Variants in SNX29 observed in about 807,000 individuals in gnomAD.
SNX29 encodes sorting nexin 29, also known as sorting nexin-29.
Under a neutral mutation model 102.1 loss-of-function variants are expected in SNX29, and 78 were observed. The observed-to-expected ratio is 0.76, with a 90% confidence interval of 0.64 to 0.92. The LOEUF (loss-of-function observed/expected upper bound fraction) is 0.92, where lower values mean the gene tolerates loss of function less well. SNX29 is among the 40% of genes least tolerant of loss of function. SNX29 has a pLI of 0.00. For missense variants in SNX29, 1,280 were observed against 1,061.7 expected, an observed-to-expected ratio of 1.21 and a Z score of -2.86; for synonymous variants, 580 against 414.5, an observed-to-expected ratio of 1.40 and a Z score of -4.85.
chr16:12,334,743 C>T (rs1280141516), intron 15 of SNX29, among the ~76,000 whole-genome samples: 1 of 152,120 alleles, frequency 6.6e-6, no homozygotes, highest in African/African-American at 2.4e-5. Flanking sequence ...TGGGTGTGTT[C>T]ACTTGGGGCT....
At chr16:12,520,289 C>T (rs1179997637) in intron 19 of SNX29, among the ~76,000 whole-genome samples, 2 of 152,188 alleles carry the variant, frequency 1.3e-5, no homozygotes, top group Non-Finnish European at 2.9e-5. Flanking sequence ...TAAAGCCAAC[C>T]TGGAAGTAGA....
At chr16:12,250,635 T>A (rs1001462888) in intron 14 of SNX29, among the ~76,000 whole-genome samples, 2 of 152,212 alleles carry the variant, frequency 1.3e-5, no homozygotes, top group Non-Finnish European at 2.9e-5. Context: ...TTTGTTTCCA[T>A]TCTTTAAGCA....
rs534284969 is a variant in SNX29, at chr16:12,258,384, C to A, written c.1679-19549C>A. Among the ~76,000 whole-genome samples the A allele has an allele frequency of 1.6e-4, 24 of 152,240 alleles. No individual in the cohort carries two copies. The South Asian group carries it at 5.0e-3, about 32-fold the overall frequency. ...TGCCAGAACATTCCCCCCGTGATAG[C>A]CCCATGATGGAGCTTCGAGTCAGTC... is the stretch of plus-strand genomic sequence containing the variant. On this transcript the variant is annotated intron_variant, in intron 14 of 20. Transcript: ENST00000566228.
At chr16:12,123,629 C>T (rs996581968) in intron 11 of SNX29, among the ~76,000 whole-genome samples, 3 of 152,140 alleles carry the variant, frequency 2.0e-5, no homozygotes, top group Non-Finnish European at 2.9e-5. Flanking sequence ...CGTTTCTCTC[C>T]GTCTGCAGTG....
chr16:12,554,443 C>A (rs1009195871), intron 20 of SNX29, among the ~76,000 whole-genome samples: 1 of 152,228 alleles, frequency 6.6e-6, no homozygotes, highest in African/African-American at 2.4e-5. Context: ...TTTCCGCACA[C>A]CTGCCATGCC....
At chr16:12,077,238 C>T (rs1318168125) in intron 10 of SNX29, among the ~76,000 whole-genome samples, 2 of 151,662 alleles carry the variant, frequency 1.3e-5, no homozygotes, top group African/African-American at 4.9e-5. Context: ...GAGATTGCAC[C>T]ACTGCACTCC....
chr16:12,260,572 G>A (rs941831601), intron 14 of SNX29, among the ~76,000 whole-genome samples: 4 of 152,126 alleles, frequency 2.6e-5, no homozygotes, highest in Non-Finnish European at 4.4e-5. Context: ...GTGGGGTGGG[G>A]GCATCCATGT....
chr16:12,038,787 G>A (rs1264174527), intron 4 of SNX29: 1 of 152,242 alleles, frequency 6.6e-6, no homozygotes, highest in Non-Finnish European at 1.5e-5. Context: ...ACAGGCTGCA[G>A]GTGAGAGTCA....
chr16:12,041,936 C>T (rs887039313), intron 4 of SNX29, among the ~76,000 whole-genome samples: 1 of 152,276 alleles, frequency 6.6e-6, no homozygotes, highest in East Asian at 1.9e-4. Context: ...AGACTGAAAA[C>T]TCTTGAAAAT....
intron 15 of SNX29, among the ~76,000 whole-genome samples, chr16:12,324,264 T>A (rs570046379): frequency 6.6e-6 from 1 of 152,180 alleles, no homozygotes; most frequent in Non-Finnish European, 1.5e-5. Context: ...CTCTCGGTGC[T>A]GCAGAGGCAA....
chr16:12,371,568 G>A (rs1407957154), intron 16 of SNX29, among the ~76,000 whole-genome samples: 1 of 152,196 alleles, frequency 6.6e-6, no homozygotes, highest in African/African-American at 2.4e-5. Context: ...GCCTCCCAAA[G>A]TGCTGGGATT....
At chr16:12,304,640 G>A (rs2080283568) in intron 15 of SNX29, among the ~76,000 whole-genome samples, 1 of 152,194 alleles carries the variant, frequency 6.6e-6, no homozygotes, top group Non-Finnish European at 1.5e-5. Flanking sequence ...TGATCCACCT[G>A]CCTTGGCCTC....
intron 14 of SNX29, among the ~76,000 whole-genome samples, chr16:12,216,637 G>A (rs929328175): frequency 6.6e-6 from 1 of 152,178 alleles, no homozygotes; most frequent in African/African-American, 2.4e-5. Context: ...GATTGTGGGT[G>A]TTGGCCGAGA....
chr16:12,461,978 A>ATAT (rs869301507), intron 18 of SNX29, among the ~76,000 whole-genome samples: 17 of 27,312 alleles, frequency 6.2e-4, no homozygotes, highest in East Asian at 2.1e-3. Context: ...AAAAAAAAAA[A>ATAT]ATATATATAT....
rs147575492 is a variant in SNX29 at position 12,060,765 on chromosome 16, A to C, written c.1125-763A>C. 2.3e-4 allele frequency: 104 copies of C among 456,310 alleles called. 1 individual carries two copies. Among genetic ancestry groups the C allele is most frequent in the African/African-American group, 2.0e-3 (98 of 50,218 alleles). The allele number at this position is 456,310 out of a possible 1,614,324, so 28.3% of individuals were successfully genotyped here. A position where few individuals can be genotyped will look rare whatever the true frequency, so the allele number is the denominator to read the frequency against. On this transcript the variant is annotated intron_variant, in intron 8 of 20. Coordinates refer to ENST00000566228, the MANE Select transcript of SNX29 (RefSeq NM_032167.5). ...GCTCAGAGGCAAGTGCTGCAGGGGC[A>C]ATTACTCCCAAACAAACCCAACCAC... is the stretch of plus-strand genomic sequence containing the variant.
intron 14 of SNX29, among the ~76,000 whole-genome samples, chr16:12,263,222 C>T (rs994755534): frequency 2.0e-5 from 3 of 151,518 alleles, no homozygotes; most frequent in Non-Finnish European, 4.4e-5. Context: ...ACCTCTGCCT[C>T]CTGGGTTCAA....
intron 14 of SNX29, among the ~76,000 whole-genome samples, chr16:12,217,045 T>C (rs1453343890): frequency 6.6e-6 from 1 of 152,212 alleles, no homozygotes; most frequent in African/African-American, 2.4e-5. Context: ...TGTTTTTGTT[T>C]TGAGACAGGG....
chr16:12,460,293 G>T (rs1169608691), intron 18 of SNX29, among the ~76,000 whole-genome samples: 1 of 152,210 alleles, frequency 6.6e-6, no homozygotes, highest in Admixed American at 6.5e-5. Context: ...GCTGGGCATA[G>T]TGATTTCTTT....
chr16:12,125,605 CTTTTTTTTTTTTTT>C (rs36212472), intron 11 of SNX29, among the ~76,000 whole-genome samples: 43 of 45,448 alleles, frequency 9.5e-4, no homozygotes, highest in South Asian at 2.5e-3. Flanking sequence ...TGAGATCTCT[CTTTTTTTTTTTTTT>C]TTTTTTTTTT....
Sources: gnomAD v4.1 joint callset for allele counts (sites outside exome capture counted in the v4.1 genomes callset) on GRCh38, gnomAD v4.1.1 for gene constraint, MANE v1.5 for transcripts, NCBI Gene and HGNC (gene_info 2026-07-23, HGNC 2026-07-21) for gene names.